CHD1L: variants seen among roughly 807,000 people sequenced by gnomAD.
CHD1L encodes the protein ATP-dependent chromatin remodeler CHD1L.
In CHD1L, 118 loss-of-function variants were observed where a neutral mutation model predicts 115.9. That is an observed-to-expected ratio of 1.02 (90% CI 0.88 to 1.19). CHD1L has a LOEUF of 1.19. Ranked by LOEUF, CHD1L falls within the 50% of genes most tolerant of loss-of-function variation. CHD1L has a pLI of 0.00. For missense variants in CHD1L, 1,179 were observed against 1,065.3 expected, an observed-to-expected ratio of 1.11 and a Z score of -1.49; for synonymous variants, 411 against 387.1, an observed-to-expected ratio of 1.06 and a Z score of -0.72.
chr1:147,261,851 G>T (rs1672046042), intron 6 of CHD1L, among the ~76,000 whole-genome samples: 1 of 151,998 alleles, frequency 6.6e-6, no homozygotes. Flanking sequence ...ATGGGGAGGG[G>T]GATACTGCCG....
intron 14 of CHD1L, among the ~76,000 whole-genome samples, chr1:147,278,538 T>TTA (rs1679555275): frequency 3.3e-5 from 5 of 151,058 alleles, no homozygotes; most frequent in South Asian, 4.2e-4. Flanking sequence ...TTTTTTTTTT[T>TTA]AAATACCAAG....
At chr1:147,235,843 C>T in the CHD1L span, among the ~76,000 whole-genome samples, 2 of 152,150 alleles carry the variant, frequency 1.3e-5, no homozygotes, top group South Asian at 2.1e-4. Flanking sequence ...AATATTGTCA[C>T]GGGATTCTTG....
the CHD1L span, chr1:147,184,349 C>A: frequency 6.9e-6 from 6 of 867,822 alleles, no homozygotes; most frequent in Non-Finnish European, 9.4e-6. The surrounding 1 kb of genome is among the most constrained non-coding windows in gnomAD (Gnocchi z 4.4). Flanking sequence ...TTACATTCCT[C>A]TGGTACATTT....
chr1:147,224,751 C>T, the CHD1L span: 67 of 701,162 alleles, frequency 9.6e-5, no homozygotes, highest in Non-Finnish European at 1.4e-4. Flanking sequence ...ACCTCGTGAT[C>T]CGCCCGCCTC....
chr1:147,209,195 G>A, the CHD1L span: 257 of 563,166 alleles, frequency 4.6e-4, 1 homozygote, highest in African/African-American at 4.5e-3. Context: ...CAAGGCGGGC[G>A]GATCACGAGG....
the CHD1L span, among the ~76,000 whole-genome samples, chr1:147,183,036 A>G: frequency 6.6e-6 from 1 of 152,200 alleles, no homozygotes; most frequent in Non-Finnish European, 1.5e-5. Context: ...CGTCTCTACT[A>G]AAAATACAAA....
At chr1:147,230,426 AT>A in the CHD1L span, among the ~76,000 whole-genome samples, 2 of 83,962 alleles carry the variant, frequency 2.4e-5, 1 homozygote, top group African/African-American at 1.7e-4. Context: ...TTTATTGAGG[AT>A]TTTTGTGTCG....
the CHD1L span, among the ~76,000 whole-genome samples, chr1:147,188,297 C>T: frequency 9.2e-5 from 14 of 151,848 alleles, no homozygotes; most frequent in African/African-American, 3.4e-4. Flanking sequence ...CCGAGGCAGG[C>T]GGATCACTTT....
chr1:147,291,909 T>G (rs587702527), intron 20 of CHD1L, among the ~76,000 whole-genome samples: 1 of 152,174 alleles, frequency 6.6e-6, no homozygotes, highest in African/African-American at 2.4e-5. Context: ...AACCCTTGTT[T>G]TAACTTCATT....
In CHD1L at chr1:147,284,750, G is replaced by C. The variant is rs373708822; in HGVS notation, c.1854+251G>C. 3.9e-5 allele frequency among the ~76,000 whole-genome samples: 6 copies of C among 152,258 alleles called. No homozygotes were observed. The East Asian group carries it at 1.2e-3, about 29-fold the overall frequency. On this transcript the variant is annotated intron_variant, in intron 16 of 22. Coordinates refer to ENST00000369258, the MANE Select transcript of CHD1L (RefSeq NM_004284.6). ...GGTGAAAGCAGCCTTGTCCATCCAAGTCACCCCTAAAGGCATTCCTATATT... is the reference window on the plus strand; with the variant it reads ...GGTGAAAGCAGCCTTGTCCATCCAACTCACCCCTAAAGGCATTCCTATATT...
At chr1:147,224,626 T>C in the CHD1L span, among the ~76,000 whole-genome samples, 16 of 151,948 alleles carry the variant, frequency 1.1e-4, no homozygotes, top group Non-Finnish European at 2.9e-5. Flanking sequence ...CCTCCTGCCT[T>C]AGCCTCCCGA....
At chr1:147,231,256 C>A in the CHD1L span, among the ~76,000 whole-genome samples, 1 of 152,128 alleles carries the variant, frequency 6.6e-6, no homozygotes, top group Non-Finnish European at 1.5e-5. Context: ...ACCTTCATTT[C>A]GTTATGTACC....
At chr1:147,279,956 G>A (rs1572050494) in intron 14 of CHD1L, 70 bp from the exon 15 acceptor site, 2 of 1,534,176 alleles carry the variant, frequency 1.3e-6, no homozygotes, top group South Asian at 1.1e-5. Flanking sequence ...AATCCACTTA[G>A]CCAATCACTG....
At chr1:147,283,933 ATTC>A (rs1264622289) in intron 15 of CHD1L, among the ~76,000 whole-genome samples, 2 of 152,206 alleles carry the variant, frequency 1.3e-5, no homozygotes, top group Non-Finnish European at 2.9e-5. Flanking sequence ...TATTTTTGTG[ATTC>A]TTCATTTTCT....
At chr1:147,223,845 G>T in the CHD1L span, 1 of 299,570 alleles carries the variant, frequency 3.3e-6, no homozygotes, top group Admixed American at 4.7e-5. Context: ...CTGCTTACGC[G>T]GGCCCACAAG....
chr1:147,228,057 G>A, the CHD1L span, among the ~76,000 whole-genome samples: 63 of 150,528 alleles, frequency 4.2e-4, no homozygotes, highest in African/African-American at 1.5e-3. Context: ...TGTGCACAAC[G>A]TGCAGGTTAG....
chr1:147,265,907 T>C, intron 7 of CHD1L, 25 bp from the exon 8 acceptor site: 2 of 1,594,326 alleles, frequency 1.3e-6, no homozygotes, highest in East Asian at 4.5e-5. Flanking sequence ...GTCCCACACT[T>C]CTTGTATTTT....
rs781871107 is a variant in CHD1L at position 147,255,013 on chromosome 1, CTTGA to C, written c.347+40_347+43del. The C allele has an allele frequency of 2.3e-4, 332 of 1,435,020 alleles. 3 individuals carry two copies. The highest frequency in any genetic ancestry group is 9.1e-4 in the Middle Eastern group (5 of 5,490). 88.9% of individuals were successfully genotyped at this position (1,435,020 alleles called of 1,614,324 possible). Reference sequence around the variant, plus strand: ...ATGTAGCTGAAATTTTATTGTTTATCTTGATTAAGATTTTTTTTCTGGATGATGT... The same window carrying C: ...ATGTAGCTGAAATTTTATTGTTTATCTTAAGATTTTTTTTCTGGATGATGT... On this transcript the variant is annotated intron_variant, in intron 3 of 22. Transcript: ENST00000369258.
At chr1:147,204,723 C>T in the CHD1L span, 13 of 1,507,726 alleles carry the variant, frequency 8.6e-6, no homozygotes, top group African/African-American at 1.4e-5. Context: ...TTAAAATAGT[C>T]GCTGCATCAT....
Sources: gnomAD v4.1 joint callset for allele counts (sites outside exome capture counted in the v4.1 genomes callset) on GRCh38, gnomAD v4.1.1 for gene constraint, Gnocchi (gnomAD v3.1) non-coding constraint, MANE v1.5 for transcripts, NCBI Gene and HGNC (gene_info 2026-07-23, HGNC 2026-07-21) for gene names.